NEK2: variants seen among roughly 807,000 people sequenced by gnomAD.
The protein encoded by NEK2 is NIMA related kinase 2.
A neutral mutation model predicts 54.1 loss-of-function variants in NEK2; 28 were observed. That is an observed-to-expected ratio of 0.52 (90% CI 0.38 to 0.71). The LOEUF is 0.71. Ranked by LOEUF, NEK2 falls within the 30% of genes least tolerant of loss-of-function variation. The pLI, the probability that NEK2 is intolerant of heterozygous loss-of-function variation, is 0.00. For missense variants in NEK2, 407 were observed against 531.5 expected (o/e 0.77, Z 2.30); for synonymous variants, 176 against 193.1 (o/e 0.91, Z 0.73).
In NEK2 at chr1:211,669,939, A is replaced by C. The variant is rs529726905; in HGVS notation, c.765+342T>G. On this transcript the variant is annotated intron_variant, in intron 5 of 7. Coordinates refer to ENST00000366999, the MANE Select transcript of NEK2 (RefSeq NM_002497.4). ...CAATTAGAGCTAGAGGCAGAGTAAT[A>C]AACTCTTATTTCTGGCCCCTTCCCT... Among the ~76,000 whole-genome samples, 4 of 152,306 alleles carry C rather than the reference A, an allele frequency of 2.6e-5. No homozygotes were observed. The East Asian group carries it at 7.7e-4, about 29-fold the overall frequency.
Position 211,670,266 on chromosome 1 carries a change from T to C in NEK2, c.765+15A>G, listed in dbSNP as rs1182538147. The C allele has an allele frequency of 6.2e-7, 1 of 1,604,910 alleles. No individual in the cohort carries two copies. Among genetic ancestry groups the C allele is most frequent in the Non-Finnish European group, 8.5e-7 (1 of 1,174,906 alleles). ...ACAGCTAGAAACAGACAATATATCA[T>C]CTTATCATCTTTACCTTTAAGTTTA... is the stretch of plus-strand genomic sequence containing the variant. On this transcript the variant is annotated intron_variant, in intron 5 of 7. Transcript: ENST00000366999.
chr1:211,675,359 G>A (rs780071141), intron 1 of NEK2, 25 bp downstream of exon 1: 11 of 1,606,146 alleles, frequency 6.8e-6, no homozygotes, highest in Non-Finnish European at 8.5e-6. Flanking sequence ...AGCAGGGGCA[G>A]GCGCAGGGTA....
At chr1:211,658,524 C>T, downstream of NEK2, 1 of 349,148 alleles carries the variant, frequency 2.9e-6, no homozygotes, top group Non-Finnish European at 5.7e-6. Context: ...GGCGCAATGG[C>T]TCATACCTGT....
At chr1:211,663,801 G>T in intron 7 of NEK2, 149 bp from the exon 8 acceptor site, 1 of 726,518 alleles carries the variant, frequency 1.4e-6, no homozygotes, top group East Asian at 2.7e-5. Context: ...GAGGTTAGGG[G>T]TGTAGGACTT....
intron 7 of NEK2, among the ~76,000 whole-genome samples, chr1:211,665,501 C>T (rs1655149700): frequency 6.6e-6 from 1 of 152,192 alleles, no homozygotes; most frequent in Admixed American, 6.5e-5. Context: ...GAACAGCCAT[C>T]CCCAACAGGG....
At chr1:211,672,043 C>G (rs187124262) in intron 3 of NEK2, among the ~76,000 whole-genome samples, 1 of 152,344 alleles carries the variant, frequency 6.6e-6, no homozygotes, top group East Asian at 1.9e-4. Flanking sequence ...GAAAATGGTA[C>G]TGTTCTGGCT....
intron 5 of NEK2, 122 bp downstream of exon 5, chr1:211,670,159 A>G: frequency 9.2e-7 from 1 of 1,084,440 alleles, no homozygotes; most frequent in Non-Finnish European, 1.3e-6. Context: ...TAACACAGTA[A>G]ATTTAGCTAA....
At position 211,673,692 on chromosome 1, in the gene NEK2, C is replaced by T. The variant is rs760853858; in HGVS notation, c.346G>A (p.Val116Met). 1.9e-6 allele frequency: 3 copies of T among 1,614,156 alleles called. No homozygotes were observed. Among genetic ancestry groups the T allele is most frequent in the Non-Finnish European group, 1.7e-6 (2 of 1,180,024 alleles). ...QYLDEEFVLR[V>M]MTQLTLALKE... ...AGGGCCAGAGTCAACTGAGTCATCA[C>T]TCGAAGAACAAACTCTTCATCTAAG... is the stretch of plus-strand genomic sequence containing the variant. The change falls in exon 3 of 8, where the codon GTG becomes ATG. Residue 116 changes from valine (V) to methionine (M), a missense_variant. Coordinates refer to ENST00000366999, the MANE Select transcript of NEK2 (RefSeq NM_002497.4).
intron 3 of NEK2, among the ~76,000 whole-genome samples, chr1:211,672,995 T>C (rs573140723): frequency 6.6e-5 from 10 of 152,020 alleles, no homozygotes; most frequent in African/African-American, 1.9e-4. Context: ...AAAACTGATA[T>C]AGACTTTATT....
downstream of NEK2, among the ~76,000 whole-genome samples, chr1:211,659,611 C>T (rs898451278): frequency 1.3e-5 from 2 of 152,168 alleles, no homozygotes; most frequent in East Asian, 3.8e-4. Context: ...AACAGCAACA[C>T]CATTGTGTAT....
At position 211,675,443 on chromosome 1, in the gene NEK2, T is replaced by G; in HGVS notation, c.37A>C (p.Thr13Pro). 1 of 1,613,846 alleles carries G rather than the reference T, an allele frequency of 6.2e-7. No homozygotes were observed. The highest frequency in any genetic ancestry group is 2.2e-5 in the East Asian group (1 of 44,882). Residue 13 changes from threonine to proline, a missense_variant, in exon 1 of 8, where the codon ACC becomes CCC. Thr to Pro is a conservative substitution (Grantham distance 38, BLOSUM62 -1). Coordinates refer to ENST00000366999, the MANE Select transcript of NEK2 (RefSeq NM_002497.4). ...SRAEDYEVLY[T>P]IGTGSYGRCQ... ...CGGCCGTAGGAGCCTGTGCCAATGG[T>G]GTACAACACTTCATAGTCCTCAGCC...
downstream of NEK2, chr1:211,658,719 C>CAAAAAA (rs967490624): frequency 3.4e-3 from 127 of 37,562 alleles, no homozygotes; most frequent in East Asian, 5.7e-3. Context: ...GACTCTATCT[C>CAAAAAA]AAAAAAAAAA....
Position 211,669,267 on chromosome 1 carries a change from G to C in NEK2, c.831C>G (p.Asp277Glu). The C allele has an allele frequency of 6.2e-7, 1 of 1,614,038 alleles. No homozygotes were observed. Among genetic ancestry groups the C allele is most frequent in the Non-Finnish European group, 8.5e-7 (1 of 1,179,970 alleles). ...ENPLIADLVA[D>E]EQRRNLERRG... ...TTCTCTCAAGATTTCTTCTTTGCTC[G>C]TCTGCAACCAAATCTGCTATTAAAG... Residue 277 changes from aspartate (D) to glutamate (E), a missense_variant, in exon 6 of 8, where the codon GAC (aspartate) becomes GAG (glutamate). Coordinates refer to ENST00000366999, the MANE Select transcript of NEK2 (RefSeq NM_002497.4).
chr1:211,675,275 C>T (rs914695163), intron 1 of NEK2, 109 bp downstream of exon 1: 10 of 948,148 alleles, frequency 1.1e-5, no homozygotes, highest in African/African-American at 4.9e-5. Flanking sequence ...TTTAGTCTTC[C>T]GGGCACCCAT....
Position 211,667,204 on chromosome 1 carries a change from T to C in NEK2, c.1013A>G (p.Glu338Gly). 6.2e-7 allele frequency: 1 copy of C among 1,608,188 alleles called. No homozygotes were observed. The highest frequency in any genetic ancestry group is 8.5e-7 in the Non-Finnish European group (1 of 1,176,728). ...AGCCAGTTTGTCCTCTGCTAGTCTC[T>C]CACGAACACAAAGCTCCTGTTCTTT... is the stretch of plus-strand genomic sequence containing the variant. ...EQKEQELCVR[E>G]RLAEDKLARA... The change falls in exon 7 of 8, where the codon GAG becomes GGG. Residue 338 changes from glutamate to glycine, a missense_variant. Coordinates refer to ENST00000366999, the MANE Select transcript of NEK2 (RefSeq NM_002497.4).
chr1:211,666,392 G>T, intron 7 of NEK2: 1 of 622,936 alleles, frequency 1.6e-6, no homozygotes, highest in Non-Finnish European at 2.0e-6. Flanking sequence ...TTTAAGCCAT[G>T]CTTTCTATGA....
chr1:211,674,689 A>T (rs567047415), intron 1 of NEK2, among the ~76,000 whole-genome samples, 176 bp from the exon 2 acceptor site: 1 of 152,318 alleles, frequency 6.6e-6, no homozygotes, highest in Admixed American at 6.5e-5. Flanking sequence ...ATCTTCCTCC[A>T]GTTCTAAGCA....
chr1:211,663,612 A>T lies in NEK2; in HGVS notation c.1152T>A (p.Val384=). 1 of 1,613,816 alleles carries T rather than the reference A, an allele frequency of 6.2e-7. No homozygotes were observed. The highest frequency in any genetic ancestry group is 8.5e-7 in the Non-Finnish European group (1 of 1,179,850). ...TCTCTTTACTTTCCCCACTGAAATG[A>T]ACTTTCTTCTTAATTACTGAGGATG... ...NLPSSVIKKK[V]HFSGESKENI... is the part of the protein sequence containing the mutation. Residue 384 remains valine, a synonymous_variant, in exon 8 of 8, where the codon GTT becomes GTA. Coordinates refer to ENST00000366999, the MANE Select transcript of NEK2 (RefSeq NM_002497.4).
At position 211,667,143 on chromosome 1, in the gene NEK2, T is replaced by C; in HGVS notation, c.1074A>G (p.Leu358=). 2 of 1,613,886 alleles carry C rather than the reference T, an allele frequency of 1.2e-6. No individual in the cohort carries two copies. The highest frequency in any genetic ancestry group is 2.2e-5 in the South Asian group (2 of 91,032). ...AENLLKNYSL[L]KERKFLSLAS... ...CCAGAGACAGGAACTTCCGTTCCTT[T>C]AGCAAGCTGTAGTTCTTCAACAGAT... is the stretch of plus-strand genomic sequence containing the variant. The change falls in exon 7 of 8, where the codon CTA becomes CTG. Residue 358 remains leucine (L), a synonymous_variant. Transcript: ENST00000366999.
Sources: gnomAD v4.1 joint callset for allele counts (sites outside exome capture counted in the v4.1 genomes callset) on GRCh38, gnomAD v4.1.1 for gene constraint, MANE v1.5 for transcripts, NCBI Gene and HGNC (gene_info 2026-07-23, HGNC 2026-07-21) for gene names.